The following C21orf91 variants were observed in gnomAD, a reference collection of about 807,000 sequenced individuals.
C21orf91 encodes protein EURL homolog.
A neutral mutation model predicts 32.9 loss-of-function variants in C21orf91; 26 were observed. The ratio of observed to expected loss-of-function variants is 0.79; its 90% CI spans 0.58 to 1.10. The LOEUF (loss-of-function observed/expected upper bound fraction) is 1.10. Ranked by LOEUF, C21orf91 falls within the 50% of genes least tolerant of loss-of-function variation. The pLI is 0.00. For missense variants in C21orf91, 310 were observed against 341.3 expected (o/e 0.91, Z 0.72); for synonymous variants, 126 against 120.4 (o/e 1.05, Z -0.31).
chr21:17,807,894 A>G (rs1353110388), intron 2 of C21orf91, among the ~76,000 whole-genome samples: 3 of 152,202 alleles, frequency 2.0e-5, no homozygotes, highest in African/African-American at 7.2e-5. Flanking sequence ...GTGAACAAAG[A>G]GATGATCTGA....
chr21:17,814,438 G>T (rs2062652443), intron 2 of C21orf91, among the ~76,000 whole-genome samples: 1 of 152,126 alleles, frequency 6.6e-6, no homozygotes, highest in South Asian at 2.1e-4. Flanking sequence ...TTATTTTAAT[G>T]GTGAATTAGT....
At position 17,796,700 on chromosome 21, in the gene C21orf91, TA is replaced by T; in HGVS notation, c.545del (p.Leu182TyrfsTer41). On this transcript the variant is annotated frameshift_variant, in exon 3 of 5. Transcript: ENST00000284881. LOFTEE classifies it high-confidence loss of function. ...GAGGCCACAATACACTGTTACGACATAAAGTGGCACCTGAATCTTGTAACAT... is the reference window on the plus strand; with the variant it reads ...GAGGCCACAATACACTGTTACGACATAAGTGGCACCTGAATCTTGTAACAT... ...LSMLQDSGAT[L>X]CRNSVLWPHS... 4 of 1,614,104 alleles carry T rather than the reference TA, an allele frequency of 2.5e-6. No individual in the cohort carries two copies. The highest frequency in any genetic ancestry group is 3.4e-6 in the Non-Finnish European group (4 of 1,179,936).
chr21:17,806,960 A>AG (rs1283243100), intron 2 of C21orf91, among the ~76,000 whole-genome samples: 2 of 152,204 alleles, frequency 1.3e-5, no homozygotes, highest in African/African-American at 4.8e-5. Context: ...CTCTCAACTG[A>AG]GAATTGAGAT....
At chr21:17,817,986 C>G (rs1307354798) in intron 2 of C21orf91, 3 of 387,052 alleles carry the variant, frequency 7.8e-6, no homozygotes, top group Non-Finnish European at 1.4e-5. Context: ...TTGCAGGGGT[C>G]TTTAAAAAAA....
chr21:17,803,785 G>A (rs1275422874), intron 2 of C21orf91, among the ~76,000 whole-genome samples: 1 of 152,150 alleles, frequency 6.6e-6, no homozygotes, highest in African/African-American at 2.4e-5. Context: ...TTTCTGAGGC[G>A]CAGACAACCA....
chr21:17,797,541 C>T (rs2062529008), intron 2 of C21orf91, among the ~76,000 whole-genome samples: 1 of 151,164 alleles, frequency 6.6e-6, no homozygotes, highest in African/African-American at 2.4e-5. Context: ...AAGTTTTCCT[C>T]CCTAAAACAC....
intron 2 of C21orf91, among the ~76,000 whole-genome samples, chr21:17,804,425 C>T (rs2062582153): frequency 6.6e-6 from 1 of 152,214 alleles, no homozygotes; most frequent in Admixed American, 6.5e-5. Context: ...TTTCCTCACC[C>T]TCATGCCTTT....
chr21:17,802,534 A>C (rs1177059315), intron 2 of C21orf91, among the ~76,000 whole-genome samples: 6 of 152,240 alleles, frequency 3.9e-5, no homozygotes, highest in African/African-American at 1.4e-4. Flanking sequence ...TTAATTCACC[A>C]ATTGTAGGAA....
chr21:17,799,175 G>A lies in C21orf91; in HGVS notation c.128-2057C>T, dbSNP rs567135428. 1.5e-4 allele frequency among the ~76,000 whole-genome samples: 23 copies of A among 152,106 alleles called. No homozygotes were observed. In the East Asian group the frequency reaches 3.3e-3, roughly 22 times the overall value. ...TTTTTAGTATTTATACAGAAACTCC[G>A]ATAAAAAAGTACATTAAATAACTAA... On this transcript the variant is annotated intron_variant, in intron 2 of 4. Transcript: ENST00000284881.
intron 3 of C21orf91, among the ~76,000 whole-genome samples, chr21:17,796,300 G>T (rs1049410675): frequency 1.3e-5 from 2 of 152,110 alleles, no homozygotes; most frequent in Non-Finnish European, 2.9e-5. Flanking sequence ...TAAACTATAC[G>T]AGTCCTAGAT....
chr21:17,807,859 C>T (rs2062608366), intron 2 of C21orf91, among the ~76,000 whole-genome samples: 1 of 152,186 alleles, frequency 6.6e-6, no homozygotes, highest in Non-Finnish European at 1.5e-5. Context: ...GGCCTGGCTG[C>T]TTCCAACAGA....
intron 2 of C21orf91, among the ~76,000 whole-genome samples, chr21:17,812,861 G>C (rs1468795058): frequency 6.6e-6 from 1 of 152,082 alleles, no homozygotes; most frequent in Non-Finnish European, 1.5e-5. Flanking sequence ...TTATAAAAGT[G>C]AGTTTAGCTC....
intron 2 of C21orf91, among the ~76,000 whole-genome samples, chr21:17,807,740 C>A (rs1355411218): frequency 2.0e-5 from 3 of 152,168 alleles, no homozygotes; most frequent in Non-Finnish European, 4.4e-5. Flanking sequence ...ACCAAAGAGA[C>A]TGGTGGCATT....
chr21:17,793,405 T>C lies in C21orf91; in HGVS notation c.*10A>G, dbSNP rs547253578. 6.4e-7 allele frequency: 1 copy of C among 1,565,212 alleles called. No individual in the cohort carries two copies. The highest frequency in any genetic ancestry group is 1.8e-5 in the Admixed American group (1 of 55,854). ...TAAAGGGCAGGGCATACGAAGTAAGTCTGTTTAGGTCAGTTGTTTATGGGT... is the reference window on the plus strand; with the variant it reads ...TAAAGGGCAGGGCATACGAAGTAAGCCTGTTTAGGTCAGTTGTTTATGGGT... On this transcript the variant is annotated 3_prime_UTR_variant, in exon 5 of 5. Transcript: ENST00000284881.
At chr21:17,801,537 T>C (rs2062561233) in intron 2 of C21orf91, among the ~76,000 whole-genome samples, 1 of 152,134 alleles carries the variant, frequency 6.6e-6, no homozygotes, top group Non-Finnish European at 1.5e-5. Context: ...CCTAAAGTGC[T>C]GGGATTACAG....
rs1272025541 is a variant in C21orf91, at chr21:17,790,886, C to T, written c.*2529G>A. On this transcript the variant is annotated 3_prime_UTR_variant, in exon 5 of 5. Coordinates refer to ENST00000284881, the MANE Select transcript of C21orf91 (RefSeq NM_001100420.2). Reference sequence around the variant, plus strand: ...AAAACTGAACGTGAAAAAGATTTGTCTTATCTCACTCCCCTTAATCATATA... The same window carrying T: ...AAAACTGAACGTGAAAAAGATTTGTTTTATCTCACTCCCCTTAATCATATA... 6.6e-6 allele frequency: 1 copy of T among 152,074 alleles called. No individual in the cohort carries two copies. The allele number at this position is 152,074 out of a possible 1,614,324, so 9.4% of individuals were successfully genotyped here.
rs201850827 is a variant in C21orf91, at chr21:17,807,519, AC to A, written c.128-10402del. On this transcript the variant is annotated intron_variant, in intron 2 of 4. Transcript: ENST00000284881. ...CTGAAAATGTGGAAGCGACTTTGTA[AC>A]AGGATAATGCGCAGAGGTTGGAACA... Among the ~76,000 whole-genome samples the A allele has an allele frequency of 4.6e-5, 7 of 152,340 alleles. No individual in the cohort carries two copies. The East Asian group carries it at 9.6e-4, about 21-fold the overall frequency.
rs377355079 is a variant in C21orf91 at position 17,797,691 on chromosome 21, CCATTTT to C, written c.128-579_128-574del. On this transcript the variant is annotated intron_variant, in intron 2 of 4. Transcript: ENST00000284881. ...AAAGCATCTAACATTTTTCACATTT[CCATTTT>C]ATAGTTACTAAAACCTTATCAAGAT... Among the ~76,000 whole-genome samples, 711 of 151,556 alleles carry C rather than the reference CCATTTT, an allele frequency of 4.7e-3. 6 individuals carry two copies. Among genetic ancestry groups the C allele is most frequent in the African/African-American group, 0.016 (667 of 41,466 alleles).
rs1275032700 is a variant in C21orf91, at chr21:17,792,210, G to A, written c.*1205C>T. 1 of 152,004 alleles carries A rather than the reference G, an allele frequency of 6.6e-6. No homozygotes were observed. Among genetic ancestry groups the A allele is most frequent in the Non-Finnish European group, 1.5e-5 (1 of 67,964 alleles). The allele number at this position is 152,004 out of a possible 1,614,324, so 9.4% of individuals were successfully genotyped here. A position where few individuals can be genotyped will look rare whatever the true frequency, so the allele number is the denominator to read the frequency against. ...TTATTAAAATTTATCTAGCTGTTTGGCACAATCTGTTAGATAAAAACTCTT... is the reference window on the plus strand; with the variant it reads ...TTATTAAAATTTATCTAGCTGTTTGACACAATCTGTTAGATAAAAACTCTT... On this transcript the variant is annotated 3_prime_UTR_variant, in exon 5 of 5. Coordinates refer to ENST00000284881, the MANE Select transcript of C21orf91 (RefSeq NM_001100420.2).
Sources: allele counts gnomAD v4.1 joint callset (sites outside exome capture counted in the v4.1 genomes callset), GRCh38; gene constraint gnomAD v4.1.1; transcripts MANE v1.5; gene names NCBI Gene and HGNC (gene_info 2026-07-23, HGNC 2026-07-21).